Variants in DNAH9 observed in about 807,000 individuals in gnomAD.
The protein encoded by DNAH9 is dynein axonemal heavy chain 9.
A neutral mutation model predicts 471.6 loss-of-function variants in DNAH9; 345 were observed. The observed-to-expected ratio is 0.73, with a 90% confidence interval of 0.67 to 0.80. The LOEUF is 0.80. Ranked by LOEUF, DNAH9 falls within the 30% of genes least tolerant of loss-of-function variation. The pLI is 0.00. For synonymous variants in DNAH9, 2,093 were observed against 2,123.6 expected, an observed-to-expected ratio of 0.99 and a Z score of 0.40; for missense variants, 5,407 against 5,609.2, an observed-to-expected ratio of 0.96 and a Z score of 1.15.
At chr17:11,788,890 A>G (rs750547374) in intron 41 of DNAH9, among the ~76,000 whole-genome samples, 1 of 152,038 alleles carries the variant, frequency 6.6e-6, no homozygotes, top group Non-Finnish European at 1.5e-5. Context: ...GGTACCTTTT[A>G]CCTGATTAAG....
At chr17:11,694,517 G>C in intron 22 of DNAH9, 70 bp downstream of exon 22, 1 of 1,559,738 alleles carries the variant, frequency 6.4e-7, no homozygotes, top group Non-Finnish European at 8.8e-7. Flanking sequence ...GCAGTTTCTG[G>C]CTCCCCATCA....
At chr17:11,664,625 C>T (rs568404201) in intron 14 of DNAH9, among the ~76,000 whole-genome samples, 2 of 152,294 alleles carry the variant, frequency 1.3e-5, no homozygotes, top group South Asian at 4.1e-4. Flanking sequence ...GACAGGTTGT[C>T]CCCTATATTA....
chr17:11,635,333 A>ATT (rs746022574), intron 8 of DNAH9, among the ~76,000 whole-genome samples: 1,054 of 94,590 alleles, frequency 0.011, 48 homozygotes, highest in East Asian at 0.016. Flanking sequence ...TGACTCGCTA[A>ATT]TTTTTTTTTT....
intron 26 of DNAH9, among the ~76,000 whole-genome samples, chr17:11,708,392 T>C (rs1353943974): frequency 1.3e-5 from 2 of 152,194 alleles, no homozygotes; most frequent in African/African-American, 2.4e-5. Context: ...ACAGCTACTC[T>C]GTGTTTTGCT....
At chr17:11,961,306 C>T (rs1026976363) in intron 67 of DNAH9, among the ~76,000 whole-genome samples, 1 of 152,288 alleles carries the variant, frequency 6.6e-6, no homozygotes, top group East Asian at 1.9e-4. Flanking sequence ...TAGAGTGAGA[C>T]TCCGTCTCCA....
intron 35 of DNAH9, among the ~76,000 whole-genome samples, chr17:11,759,947 A>C (rs1163983400): frequency 6.6e-6 from 1 of 152,054 alleles, no homozygotes; most frequent in African/African-American, 2.4e-5. Context: ...CGGCCTCCCA[A>C]AGTGCTGGGA....
At chr17:11,876,929 T>C (rs1972509970) in intron 53 of DNAH9, among the ~76,000 whole-genome samples, 1 of 151,816 alleles carries the variant, frequency 6.6e-6, no homozygotes, top group African/African-American at 2.4e-5. Flanking sequence ...GGTTTCACTA[T>C]GTTGGCCAGG....
At chr17:11,704,877 C>T (rs912939025) in intron 25 of DNAH9, 148 bp from the exon 26 acceptor site, 6 of 701,358 alleles carry the variant, frequency 8.6e-6, no homozygotes, top group Non-Finnish European at 1.2e-5. Context: ...ATCAGAGCAG[C>T]TTGTGCTTTC....
At chr17:11,785,091 C>T (rs1470430165) in intron 41 of DNAH9, among the ~76,000 whole-genome samples, 1 of 152,100 alleles carries the variant, frequency 6.6e-6, no homozygotes, top group Non-Finnish European at 1.5e-5. Context: ...AACTGCTTAT[C>T]TGAATAGTGA....
intron 48 of DNAH9, among the ~76,000 whole-genome samples, chr17:11,827,610 G>T (rs149166674): frequency 6.6e-6 from 1 of 151,812 alleles, no homozygotes; most frequent in Non-Finnish European, 1.5e-5. Context: ...TTGACAGTTC[G>T]ACCTGAAATT....
chr17:11,860,949 C>T (rs886768733), intron 50 of DNAH9, among the ~76,000 whole-genome samples: 1 of 151,790 alleles, frequency 6.6e-6, no homozygotes, highest in Non-Finnish European at 1.5e-5. Context: ...AGTTTCCCCT[C>T]TTTCCTTGAA....
intron 26 of DNAH9, among the ~76,000 whole-genome samples, chr17:11,708,851 C>A: frequency 6.6e-6 from 1 of 152,124 alleles, no homozygotes; most frequent in East Asian, 1.9e-4. Flanking sequence ...TCCGAGATAA[C>A]ATTGACCTTC....
At chr17:11,714,539 T>C (rs976198227) in intron 26 of DNAH9, among the ~76,000 whole-genome samples, 4 of 152,180 alleles carry the variant, frequency 2.6e-5, no homozygotes, top group Admixed American at 1.3e-4. Context: ...AAATGATCTC[T>C]AAGGACCCTC....
At chr17:11,917,428 A>C (rs1254533055) in intron 61 of DNAH9, among the ~76,000 whole-genome samples, 1 of 152,164 alleles carries the variant, frequency 6.6e-6, no homozygotes, top group Non-Finnish European at 1.5e-5. Flanking sequence ...AAGTGCTGGG[A>C]TTACAGACGT....
chr17:11,807,257 C>T (rs1051485168), intron 43 of DNAH9, among the ~76,000 whole-genome samples: 1 of 152,198 alleles, frequency 6.6e-6, no homozygotes, highest in African/African-American at 2.4e-5. Context: ...GGTTTGGCTT[C>T]TCTTCTTTCC....
intron 44 of DNAH9, among the ~76,000 whole-genome samples, chr17:11,809,732 G>C (rs1969820134): frequency 6.6e-6 from 1 of 152,078 alleles, no homozygotes; most frequent in Non-Finnish European, 1.5e-5. Context: ...ATATAAGTAA[G>C]ACGTAAGACA....
At position 11,961,774 on chromosome 17, in the gene DNAH9, C is replaced by T; in HGVS notation, c.12844-93C>T. The T allele has an allele frequency of 1.9e-5, 27 of 1,420,374 alleles. 1 individual carries two copies. In the South Asian group the frequency reaches 3.7e-4, roughly 19 times the overall value. 88.0% of individuals were successfully genotyped at this position (1,420,374 alleles called of 1,614,324 possible). A position where few individuals can be genotyped will look rare whatever the true frequency, so the allele number is the denominator to read the frequency against. Reference sequence around the variant, plus strand: ...AACAAGGATGGATAACTCTTGTCTGCCTGGGTGCCATGAGCCAGGGGTCTC... The same window carrying T: ...AACAAGGATGGATAACTCTTGTCTGTCTGGGTGCCATGAGCCAGGGGTCTC... On this transcript the variant is annotated intron_variant, in intron 67 of 68. Coordinates refer to ENST00000262442, the MANE Select transcript of DNAH9 (RefSeq NM_001372.4).
chr17:11,779,002 A>G (rs1968569216), intron 38 of DNAH9, among the ~76,000 whole-genome samples: 1 of 152,102 alleles, frequency 6.6e-6, no homozygotes, highest in Admixed American at 6.5e-5. Context: ...GTGAAACTCC[A>G]TCTCAAAAAA....
At chr17:11,771,570 G>A (rs1338095396) in intron 38 of DNAH9, among the ~76,000 whole-genome samples, 1 of 152,098 alleles carries the variant, frequency 6.6e-6, no homozygotes, top group Non-Finnish European at 1.5e-5. Context: ...TTCCATCAAG[G>A]CCGAAGTCAT....
Sources: gnomAD v4.1 joint callset for allele counts (sites outside exome capture counted in the v4.1 genomes callset) on GRCh38, gnomAD v4.1.1 for gene constraint, MANE v1.5 for transcripts, NCBI Gene and HGNC (gene_info 2026-07-23, HGNC 2026-07-21) for gene names.